CCSER1: variants seen among roughly 807,000 people sequenced by gnomAD.
CCSER1 encodes serine-rich coiled-coil domain-containing protein 1.
Under a neutral mutation model 82.0 loss-of-function variants are expected in CCSER1, and 41 were observed. The observed-to-expected ratio is 0.50, with a 90% CI of 0.39 to 0.65. The LOEUF (loss-of-function observed/expected upper bound fraction) is 0.65, where lower values mean the gene tolerates loss of function less well. Among genes scored for constraint, CCSER1 ranks in the 30% least tolerant of loss-of-function variants. CCSER1 has a pLI of 0.00. For missense variants in CCSER1, 1,119 were observed against 1,064.2 expected (o/e 1.05, Z -0.72); for synonymous variants, 414 against 383.9 (o/e 1.08, Z -0.92).
intron 4 of CCSER1, among the ~76,000 whole-genome samples, chr4:90,441,837 T>C (rs1304438661): frequency 2.0e-5 from 3 of 152,242 alleles, no homozygotes; most frequent in African/African-American, 7.2e-5. Flanking sequence ...ATAGATGTGA[T>C]ATATCTACAA....
chr4:91,318,283 T>G (rs1745967301), intron 10 of CCSER1, among the ~76,000 whole-genome samples: 1 of 152,060 alleles, frequency 6.6e-6, no homozygotes, highest in Non-Finnish European at 1.5e-5. Context: ...TTTTATATTC[T>G]AATTGCAGTA....
chr4:91,530,684 CTT>C (rs35485374), intron 10 of CCSER1, among the ~76,000 whole-genome samples: 69,133 of 136,306 alleles, frequency 0.51, 17,674 homozygotes, highest in African/African-American at 0.68. Context: ...ATTTTTCTTT[CTT>C]TTTTTTTTTT....
chr4:91,511,167 C>T (rs1389587950), intron 10 of CCSER1, among the ~76,000 whole-genome samples: 1 of 151,822 alleles, frequency 6.6e-6, no homozygotes, highest in Non-Finnish European at 1.5e-5. Flanking sequence ...TTTCTCTATT[C>T]TGTTTCATTG....
chr4:91,116,175 A>G (rs1371919202), intron 10 of CCSER1, among the ~76,000 whole-genome samples: 3 of 152,194 alleles, frequency 2.0e-5, no homozygotes, highest in Non-Finnish European at 4.4e-5. Context: ...AACCAACCCA[A>G]ATGTTCAACA....
chr4:90,567,044 A>T (rs1427301462), intron 5 of CCSER1, among the ~76,000 whole-genome samples: 2 of 151,274 alleles, frequency 1.3e-5, no homozygotes, highest in Non-Finnish European at 2.9e-5. Flanking sequence ...AAACAAAAAA[A>T]CCTCTTGGTT....
At chr4:90,390,224 C>A (rs1750760601) in intron 3 of CCSER1, among the ~76,000 whole-genome samples, 1 of 152,126 alleles carries the variant, frequency 6.6e-6, no homozygotes, top group South Asian at 2.1e-4. Flanking sequence ...AGACACATAC[C>A]ATTTACATCT....
At position 90,331,930 on chromosome 4, in the gene CCSER1, G is replaced by T. The variant is rs141345747; in HGVS notation, c.1509+18883G>T. Among the ~76,000 whole-genome samples the T allele has an allele frequency of 1.1e-3, 169 of 152,062 alleles. 1 individual carries two copies. Among genetic ancestry groups the T allele is most frequent in the East Asian group, 2.1e-3 (11 of 5,166 alleles). On this transcript the variant is annotated intron_variant, in intron 3 of 10. Transcript: ENST00000509176. The stretch of plus-strand genomic sequence containing the variant: ...GAACTTGTAGGAAGTAGAACTCAGA[G>T]AAGTAAAATGAGGTATCTTCATCTC...
intron 10 of CCSER1, among the ~76,000 whole-genome samples, chr4:91,241,992 A>C (rs1441603547): frequency 6.6e-6 from 1 of 152,200 alleles, no homozygotes; most frequent in Non-Finnish European, 1.5e-5. Context: ...ATGTGCATAT[A>C]TATGTATGCA....
chr4:90,931,554 C>T (rs972244263), intron 9 of CCSER1, among the ~76,000 whole-genome samples: 16 of 151,962 alleles, frequency 1.1e-4, no homozygotes, highest in Admixed American at 2.6e-4. Context: ...CAATTTTTTC[C>T]GTAACATAGA....
At chr4:90,833,054 C>A (rs527973369) in intron 8 of CCSER1, among the ~76,000 whole-genome samples, 1 of 152,040 alleles carries the variant, frequency 6.6e-6, no homozygotes, top group Non-Finnish European at 1.5e-5. Context: ...ATTTTCTGTG[C>A]GGCCATAACG....
intron 5 of CCSER1, among the ~76,000 whole-genome samples, chr4:90,548,216 T>TAA (rs1777014487): frequency 6.6e-6 from 1 of 152,120 alleles, no homozygotes; most frequent in Non-Finnish European, 1.5e-5. Flanking sequence ...GTAGGACTCT[T>TAA]ACGCAGCTAA....
rs183931678 is a variant in CCSER1, at chr4:90,284,429, A to C, written c.-41-23815A>C. ...GACACATGTCCTGGATTGTTTCCCC[A>C]ATGTTTTATTTTAGTAGTTTTATAG... On this transcript the variant is annotated intron_variant, in intron 1 of 10. Transcript: ENST00000509176. 2.0e-5 allele frequency among the ~76,000 whole-genome samples: 3 copies of C among 151,486 alleles called. No individual in the cohort carries two copies. The East Asian group carries it at 5.8e-4, about 29-fold the overall frequency.
chr4:91,217,549 G>A (rs527250560), intron 10 of CCSER1, among the ~76,000 whole-genome samples: 1 of 150,890 alleles, frequency 6.6e-6, no homozygotes, highest in South Asian at 2.1e-4. Context: ...ACAGAGTGCC[G>A]ATTGGTGTAT....
At chr4:90,772,965 G>A (rs370417887) in intron 7 of CCSER1, among the ~76,000 whole-genome samples, 1 of 152,220 alleles carries the variant, frequency 6.6e-6, no homozygotes, top group East Asian at 1.9e-4. Flanking sequence ...TAGAGGCCAG[G>A]CATGTTGGCT....
intron 10 of CCSER1, among the ~76,000 whole-genome samples, chr4:91,363,962 T>C (rs1011318184): frequency 1.3e-5 from 2 of 151,692 alleles, no homozygotes; most frequent in Non-Finnish European, 3.0e-5. Flanking sequence ...TGATTATACT[T>C]TCCAGTCTCC....
intron 9 of CCSER1, among the ~76,000 whole-genome samples, chr4:90,973,116 A>G (rs2150403329): frequency 6.6e-6 from 1 of 151,848 alleles, no homozygotes; most frequent in South Asian, 2.1e-4. Context: ...TGATTTTGGG[A>G]CATGACCCCT....
chr4:90,464,319 T>G (rs1210645271), intron 4 of CCSER1, among the ~76,000 whole-genome samples: 1 of 152,220 alleles, frequency 6.6e-6, no homozygotes, highest in Non-Finnish European at 1.5e-5. Flanking sequence ...GGATAAGCAA[T>G]TTTTGTGACT....
intron 4 of CCSER1, among the ~76,000 whole-genome samples, chr4:90,425,429 C>T (rs909174860): frequency 6.6e-6 from 1 of 152,096 alleles, no homozygotes; most frequent in Admixed American, 6.6e-5. Context: ...ATTTTGAGCA[C>T]TTTGAATTCT....
chr4:90,367,255 A>G (rs1162778494), intron 3 of CCSER1, among the ~76,000 whole-genome samples: 1 of 151,958 alleles, frequency 6.6e-6, no homozygotes, highest in Non-Finnish European at 1.5e-5. Flanking sequence ...ACAGAAGAAA[A>G]TTCCCTACAA....
Sources: gnomAD v4.1 joint callset for allele counts (sites outside exome capture counted in the v4.1 genomes callset) on GRCh38, gnomAD v4.1.1 for gene constraint, MANE v1.5 for transcripts, NCBI Gene and HGNC (gene_info 2026-07-23, HGNC 2026-07-21) for gene names.